Variants in SGCD observed in about 807,000 individuals in gnomAD.
The protein encoded by SGCD is delta-sarcoglycan.
In SGCD, 18 loss-of-function variants were observed where a neutral mutation model predicts 36.6. That is an observed-to-expected ratio of 0.49 (90% CI 0.34 to 0.73). The LOEUF is 0.73. SGCD is among the 30% of genes least tolerant of loss of function. SGCD has a pLI of 0.01. For missense variants in SGCD, 387 were observed against 346.7 expected (o/e 1.12, Z -0.92); for synonymous variants, 133 against 130.6 (o/e 1.02, Z -0.12).
chr5:156,088,651 T>A (rs539739151), intron 1 of SGCD, among the ~76,000 whole-genome samples: 1 of 152,160 alleles, frequency 6.6e-6, no homozygotes, highest in Admixed American at 6.5e-5. Flanking sequence ...AGATGTGCAC[T>A]GCTATACTCG....
chr5:156,728,508 CAAAA>C (rs34726270), intron 7 of SGCD, among the ~76,000 whole-genome samples: 5 of 46,526 alleles, frequency 1.1e-4, no homozygotes, highest in South Asian at 1.4e-3. Context: ...GAGACTCTGT[CAAAA>C]AAAAAAAAAA....
chr5:156,528,864 A>T, intron 4 of SGCD, among the ~76,000 whole-genome samples: 1 of 152,178 alleles, frequency 6.6e-6, no homozygotes, highest in East Asian at 1.9e-4. Flanking sequence ...TGGGTTTCTC[A>T]TCATCATCAC....
intron 3 of SGCD, among the ~76,000 whole-genome samples, chr5:156,217,924 G>T (rs1764614618): frequency 6.6e-6 from 1 of 151,822 alleles, no homozygotes; most frequent in Non-Finnish European, 1.5e-5. Flanking sequence ...GTAATTATTT[G>T]CTTAATGAAG....
At chr5:156,009,512 C>G (rs1361236307) in intron 1 of SGCD, among the ~76,000 whole-genome samples, 1 of 152,182 alleles carries the variant, frequency 6.6e-6, no homozygotes, top group East Asian at 1.9e-4. Flanking sequence ...AATCTTCGTT[C>G]TTTGGATCAT....
chr5:156,303,423 C>T (rs981067694), intron 3 of SGCD, among the ~76,000 whole-genome samples: 1 of 151,990 alleles, frequency 6.6e-6, no homozygotes, highest in Admixed American at 6.5e-5. Flanking sequence ...ATTCAGGAGC[C>T]ACAGCTTAGA....
intron 3 of SGCD, among the ~76,000 whole-genome samples, chr5:156,449,677 C>CAAAAAAAAAAAAAAAAAAAAA (rs397883573): frequency 4.3e-5 from 2 of 46,056 alleles, no homozygotes; most frequent in South Asian, 1.1e-3. Flanking sequence ...ACTAAAAATA[C>CAAAAAAAAAAAAAAAAAAAAA]AAAAAAAAAA....
At chr5:156,073,830 A>G (rs1014199661) in intron 1 of SGCD, among the ~76,000 whole-genome samples, 3 of 152,218 alleles carry the variant, frequency 2.0e-5, no homozygotes, top group Admixed American at 1.3e-4. Flanking sequence ...CCATTATTTG[A>G]AAGTCCCATA....
intron 1 of SGCD, among the ~76,000 whole-genome samples, chr5:156,078,590 T>TC: frequency 6.9e-6 from 1 of 144,124 alleles, no homozygotes; most frequent in Admixed American, 7.1e-5. Flanking sequence ...TATATATATT[T>TC]ATATTTATAT....
chr5:156,079,112 G>A (rs1760879672), intron 1 of SGCD, among the ~76,000 whole-genome samples: 5 of 152,048 alleles, frequency 3.3e-5, no homozygotes, highest in Admixed American at 2.0e-4. Flanking sequence ...AGGCAAAGGG[G>A]GAGGAGGCAC....
At chr5:155,872,010 GT>G (rs759705168) in intron 1 of SGCD, among the ~76,000 whole-genome samples, 29 of 152,220 alleles carry the variant, frequency 1.9e-4, no homozygotes, top group Non-Finnish European at 3.8e-4. Flanking sequence ...GAGCCAGGCA[GT>G]TGTGTTCAAG....
At chr5:156,044,789 A>G (rs1348424364) in intron 1 of SGCD, among the ~76,000 whole-genome samples, 1 of 152,186 alleles carries the variant, frequency 6.6e-6, no homozygotes, top group Non-Finnish European at 1.5e-5. Flanking sequence ...AATTAAAAAT[A>G]ACATTTCTAC....
chr5:156,399,717 C>T (rs966704712), intron 3 of SGCD, among the ~76,000 whole-genome samples: 2 of 152,124 alleles, frequency 1.3e-5, no homozygotes, highest in Non-Finnish European at 2.9e-5. Flanking sequence ...TGTGCCCTGC[C>T]TTCTCCCTAC....
At chr5:156,111,847 C>T (rs933427182) in intron 1 of SGCD, among the ~76,000 whole-genome samples, 6 of 151,376 alleles carry the variant, frequency 4.0e-5, no homozygotes, top group Admixed American at 2.0e-4. Flanking sequence ...GGCGTGATCT[C>T]GGCTCACTGC....
chr5:156,019,842 G>A (rs1759060646), intron 1 of SGCD, among the ~76,000 whole-genome samples: 1 of 152,098 alleles, frequency 6.6e-6, no homozygotes. Context: ...ACTTTTCAAG[G>A]CCTATGAGAT....
chr5:155,795,837 T>C, the SGCD span, among the ~76,000 whole-genome samples: 4 of 152,280 alleles, frequency 2.6e-5, no homozygotes, highest in East Asian at 5.8e-4. Context: ...AGACAGCTGC[T>C]AGAGTTTTTT....
intron 3 of SGCD, among the ~76,000 whole-genome samples, chr5:156,220,346 C>T (rs995133028): frequency 6.6e-6 from 1 of 152,148 alleles, no homozygotes; most frequent in Non-Finnish European, 1.5e-5. Flanking sequence ...CACATCTTAA[C>T]ATGTCTTAAT....
intron 3 of SGCD, among the ~76,000 whole-genome samples, chr5:156,365,289 T>G (rs902410550): frequency 6.6e-6 from 1 of 152,204 alleles, no homozygotes; most frequent in South Asian, 2.1e-4. Context: ...AATTATCTAT[T>G]ACCAAAAACT....
intron 6 of SGCD, among the ~76,000 whole-genome samples, chr5:156,625,647 G>A (rs1448524410): frequency 1.3e-5 from 2 of 152,116 alleles, no homozygotes; most frequent in African/African-American, 2.4e-5. Context: ...TAAATCTCTG[G>A]GGTCCATTGT....
chr5:155,996,777 T>TC (rs137898073), intron 1 of SGCD, among the ~76,000 whole-genome samples: 2,590 of 132,568 alleles, frequency 0.02, 96 homozygotes, highest in African/African-American at 0.075. Flanking sequence ...AGACTCTGTT[T>TC]CAAAAAAAAA....
Sources: gnomAD v4.1 joint callset for allele counts (sites outside exome capture counted in the v4.1 genomes callset) on GRCh38, gnomAD v4.1.1 for gene constraint, MANE v1.5 for transcripts, NCBI Gene and HGNC (gene_info 2026-07-23, HGNC 2026-07-21) for gene names.